DDTL: variants seen among roughly 807,000 people sequenced by gnomAD.
DDTL encodes the protein D-dopachrome tautomerase like.
DDTL carries 1 observed loss-of-function variant against 1.1 expected under a neutral mutation model. That is an observed-to-expected ratio of 0.91 (90% CI 0.32 to 4.31). The LOEUF (loss-of-function observed/expected upper bound fraction) is 4.31, where lower values mean the gene tolerates loss of function less well. DDTL is among the 30% of genes most tolerant of loss of function. DDTL has a pLI of 0.17. For synonymous variants in DDTL, 21 were observed against 16.6 expected, an observed-to-expected ratio of 1.26 and a Z score of -0.64; for missense variants, 54 against 48.9, an observed-to-expected ratio of 1.10 and a Z score of -0.31.
At chr22:23,970,460 G>A (rs1037335458) in intron 2 of DDTL, among the ~76,000 whole-genome samples, 20 of 151,852 alleles carry the variant, frequency 1.3e-4, no homozygotes, top group Admixed American at 7.2e-4. Flanking sequence ...CGGGGAGTAT[G>A]TGTGTGTGTG....
chr22:23,971,114 G>C (rs555969322), intron 2 of DDTL, among the ~76,000 whole-genome samples, 172 bp from the exon 3 acceptor site: 136 of 152,326 alleles, frequency 8.9e-4, no homozygotes, highest in African/African-American at 2.7e-3. Context: ...CAGAGGTCTG[G>C]TCCCATTTTG....
chr22:23,970,328 G>C (rs949806080), intron 2 of DDTL, among the ~76,000 whole-genome samples: 5 of 152,192 alleles, frequency 3.3e-5, no homozygotes, highest in African/African-American at 1.2e-4. Context: ...AGTGAACTGT[G>C]TACATGGGTG....
rs1162832321 is a variant in DDTL, at chr22:23,971,416, A to G, written c.*10A>G. ...CATTTATTTCATATGAGGATGAAGA[A>G]GAGGATTATGTGATCACAGGAATGT... On this transcript the variant is annotated 3_prime_UTR_variant, in exon 3 of 3. Coordinates refer to ENST00000215770, the MANE Select transcript of DDTL (RefSeq NM_001084393.2). The G allele has an allele frequency of 7.4e-6, 12 of 1,612,714 alleles. No individual in the cohort carries two copies. Among genetic ancestry groups the G allele is most frequent in the Admixed American group, 3.3e-5 (2 of 59,796 alleles).
chr22:23,969,205 TC>T, intron 2 of DDTL: 8 of 985,440 alleles, frequency 8.1e-6, no homozygotes, highest in Non-Finnish European at 9.6e-6. Context: ...CTCTTCATAC[TC>T]CCCCGCCCTC....
intron 2 of DDTL, chr22:23,969,354 G>A: frequency 5.1e-6 from 5 of 985,522 alleles, no homozygotes; most frequent in Non-Finnish European, 6.0e-6. Flanking sequence ...AGGTGTCTGA[G>A]GTACTGTGTC....
At chr22:23,970,439 CCTGTGTGTGACGGGGAGTAT>C (rs2033880203) in intron 2 of DDTL, among the ~76,000 whole-genome samples, 1 of 151,410 alleles carries the variant, frequency 6.6e-6, no homozygotes, top group African/African-American at 2.4e-5. Flanking sequence ...GAATTGTGTG[CCTGTGTGTGACGGGGAGTAT>C]GTGTGTGTGT....
intron 2 of DDTL, chr22:23,969,995 C>A: frequency 5.4e-6 from 2 of 369,486 alleles, no homozygotes; most frequent in Non-Finnish European, 7.5e-6. Flanking sequence ...CTCATGTCAC[C>A]TGGCAGGAGG....
In DDTL at chr22:23,971,496, A is replaced by T; in HGVS notation, c.*90A>T. 3 of 1,609,868 alleles carry T rather than the reference A, an allele frequency of 1.9e-6. No homozygotes were observed. Among genetic ancestry groups the T allele is most frequent in the Non-Finnish European group, 1.7e-6 (2 of 1,177,194 alleles). ...CTCCAGGCCCTCACTCTGCCAAGAG[A>T]TCTCTCTGGAAGAAGCAGCCAGTTC... On this transcript the variant is annotated 3_prime_UTR_variant, in exon 3 of 3. Coordinates refer to ENST00000215770, the MANE Select transcript of DDTL (RefSeq NM_001084393.2).
rs1006771 is a variant in DDTL at position 23,971,817 on chromosome 22, G to T, written c.*411G>T. 394,665 of 600,156 alleles carry T rather than the reference G, an allele frequency of 0.66. 130,583 individuals are homozygous for T. Among genetic ancestry groups the T allele is most frequent in the South Asian group, 0.72 (34,964 of 48,576 alleles). 37.2% of individuals were successfully genotyped at this position (600,156 alleles called of 1,614,324 possible). ...GGCAGTGGGACACTCAGGTGTGGGA[G>T]GTAGCCGCACATCATGACCCAGCTA... is the stretch of plus-strand genomic sequence containing the variant. On this transcript the variant is annotated 3_prime_UTR_variant, in exon 3 of 3. Coordinates refer to ENST00000215770, the MANE Select transcript of DDTL (RefSeq NM_001084393.2).
intron 2 of DDTL, chr22:23,969,644 G>A (rs1438542078): frequency 1.9e-5 from 19 of 983,282 alleles, no homozygotes; most frequent in East Asian, 2.3e-4. Flanking sequence ...AACAAAGTGC[G>A]ACCCCATCTC....
rs2033912624 is a variant in DDTL, at chr22:23,971,901, C to A, written c.*495C>A. 2 of 394,344 alleles carry A rather than the reference C, an allele frequency of 5.1e-6. No homozygotes were observed. The highest frequency in any genetic ancestry group is 2.0e-5 in the African/African-American group (1 of 49,198). 24.4% of individuals were successfully genotyped at this position (394,344 alleles called of 1,614,324 possible). On this transcript the variant is annotated 3_prime_UTR_variant, in exon 3 of 3. Transcript: ENST00000215770. ...GTGCCGTACACTCTATCATCTCCAT[C>A]AGTTTGTGTACTGAGGGGTACCCTG... is the stretch of plus-strand genomic sequence containing the variant.
chr22:23,969,560 G>C (rs532671423), intron 2 of DDTL: 35 of 978,326 alleles, frequency 3.6e-5, no homozygotes, highest in South Asian at 4.8e-5. Context: ...GCTCATTACC[G>C]GGATGAGCAC....
In DDTL at chr22:23,971,874, G is replaced by A. The variant is rs573688138; in HGVS notation, c.*468G>A. 7.9e-6 allele frequency: 4 copies of A among 504,284 alleles called. No individual in the cohort carries two copies. The highest frequency in any genetic ancestry group is 3.5e-5 in the Admixed American group (1 of 28,630). The allele number at this position is 504,284 out of a possible 1,614,324, so 31.2% of individuals were successfully genotyped here. On this transcript the variant is annotated 3_prime_UTR_variant, in exon 3 of 3. Transcript: ENST00000215770. The stretch of plus-strand genomic sequence containing the variant: ...ACACACAATACAGTAGCCTCGGTGT[G>A]TGTGCCGTACACTCTATCATCTCCA...
intron 2 of DDTL, chr22:23,969,495 T>C: frequency 1.0e-6 from 1 of 986,028 alleles, no homozygotes; most frequent in Non-Finnish European, 1.2e-6. Flanking sequence ...CATGCTGATG[T>C]GCAGCCACCA....
chr22:23,972,080 G>C lies in DDTL; in HGVS notation c.*674G>C. 1.3e-6 allele frequency: 1 copy of C among 768,398 alleles called. No homozygotes were observed. The allele number at this position is 768,398 out of a possible 1,614,324, so 47.6% of individuals were successfully genotyped here. ...TCTCAGAGGTAACAGCAAGTTTCCA[G>C]TGAGGAAAACCAGAACTTGGGACAG... is the stretch of plus-strand genomic sequence containing the variant. On this transcript the variant is annotated 3_prime_UTR_variant, in exon 3 of 3. Coordinates refer to ENST00000215770, the MANE Select transcript of DDTL (RefSeq NM_001084393.2).
In DDTL at chr22:23,969,571, T is replaced by G. The variant is rs117010580; in HGVS notation, c.285-1715T>G. 2.5e-3 allele frequency: 2,417 copies of G among 972,740 alleles called. 12 individuals carry two copies. The East Asian group carries it at 0.031, about 12-fold the overall frequency. The allele number at this position is 972,740 out of a possible 1,614,324, so 60.3% of individuals were successfully genotyped here. Reference sequence around the variant, plus strand: ...GAATGCTCATTACCGGGATGAGCACTTTTGCAAAATGGGCTGAGGTGGGAG... The same window carrying G: ...GAATGCTCATTACCGGGATGAGCACGTTTGCAAAATGGGCTGAGGTGGGAG... On this transcript the variant is annotated intron_variant, in intron 2 of 2. Coordinates refer to ENST00000215770, the MANE Select transcript of DDTL (RefSeq NM_001084393.2).
At chr22:23,970,212 A>G (rs190450724) in intron 2 of DDTL, among the ~76,000 whole-genome samples, 31 of 152,288 alleles carry the variant, frequency 2.0e-4, no homozygotes, top group Admixed American at 1.5e-3. Context: ...GCTTTTGGCC[A>G]TGTGACTGAA....
intron 2 of DDTL, among the ~76,000 whole-genome samples, chr22:23,970,315 G>A (rs972960371): frequency 2.6e-5 from 4 of 152,140 alleles, no homozygotes; most frequent in Admixed American, 2.6e-4. Flanking sequence ...TGTGTGTGAT[G>A]TGAGTGAACT....
intron 2 of DDTL, among the ~76,000 whole-genome samples, chr22:23,970,327 T>G (rs971887727): frequency 1.3e-5 from 2 of 152,132 alleles, no homozygotes; most frequent in Non-Finnish European, 2.9e-5. Context: ...GAGTGAACTG[T>G]GTACATGGGT....
Sources: gnomAD v4.1 joint callset for allele counts (sites outside exome capture counted in the v4.1 genomes callset) on GRCh38, gnomAD v4.1.1 for gene constraint, MANE v1.5 for transcripts, NCBI Gene and HGNC (gene_info 2026-07-23, HGNC 2026-07-21) for gene names.